Variants in KLRG1 observed in about 807,000 individuals in gnomAD.
KLRG1 encodes the protein killer cell lectin-like receptor subfamily G member 1.
In KLRG1, 16 loss-of-function variants were observed where a neutral mutation model predicts 21.8. The ratio of observed to expected loss-of-function variants is 0.73; its 90% CI spans 0.50 to 1.11. KLRG1 has a LOEUF of 1.11. Among genes scored for constraint, KLRG1 ranks in the 50% most tolerant of loss-of-function variants. KLRG1 has a pLI of 0.00. For synonymous variants in KLRG1, 69 were observed against 75.9 expected (o/e 0.91, Z 0.47); for missense variants, 173 against 218.3 (o/e 0.79, Z 1.31).
chr12:9,202,397 T>C, the KLRG1 span: 1 of 1,614,070 alleles, frequency 6.2e-7, no homozygotes, highest in Non-Finnish European at 8.5e-7. Flanking sequence ...TCCGATAAGA[T>C]TCAGACATGA....
the KLRG1 span, among the ~76,000 whole-genome samples, chr12:9,206,837 T>C: frequency 6.6e-6 from 1 of 152,154 alleles, no homozygotes; most frequent in African/African-American, 2.4e-5. Context: ...CAATGTAGTG[T>C]AGGAATGCAT....
chr12:9,022,805 A>G, the KLRG1 span, among the ~76,000 whole-genome samples: 6 of 152,164 alleles, frequency 3.9e-5, no homozygotes, highest in Non-Finnish European at 5.9e-5. Context: ...ATGATGGCCA[A>G]TGATGTAATC....
rs138850016 is a variant in KLRG1, at chr12:8,962,257, G to A, written c.-156+12021G>A. 2.0e-5 allele frequency among the ~76,000 whole-genome samples: 3 copies of A among 152,252 alleles called. No homozygotes were observed. The East Asian group carries it at 5.8e-4, about 29-fold the overall frequency. ...AGAATAGAGGAAAATTGAACATGGTGAAGAGAAAAATGGAAGATATTCAAA... is the reference window on the plus strand; with the variant it reads ...AGAATAGAGGAAAATTGAACATGGTAAAGAGAAAAATGGAAGATATTCAAA... On this transcript the variant is annotated intron_variant, in intron 1 of 4. Transcript: ENST00000539240.
chr12:9,077,490 T>C, the KLRG1 span: 3 of 1,504,518 alleles, frequency 2.0e-6, no homozygotes, highest in South Asian at 3.5e-5. Context: ...CTTTCTATTC[T>C]GCTGTGTCAT....
the KLRG1 span, chr12:9,182,154 G>GTGAGACAAAATGGTCATAAT: frequency 6.2e-7 from 1 of 1,603,140 alleles, no homozygotes; most frequent in Non-Finnish European, 8.5e-7. Context: ...ATGGTCATAA[G>GTGAGACAAAATGGTCATAAT]TGAGACAAAA....
intron 2 of KLRG1, among the ~76,000 whole-genome samples, chr12:8,993,488 C>G (rs1947038635): frequency 6.6e-6 from 1 of 152,014 alleles, no homozygotes; most frequent in Non-Finnish European, 1.5e-5. Context: ...CGGGGTTTCA[C>G]TATGTTGGCC....
At chr12:9,088,935 A>G in the KLRG1 span, among the ~76,000 whole-genome samples, 1 of 152,146 alleles carries the variant, frequency 6.6e-6, no homozygotes, top group South Asian at 2.1e-4. Flanking sequence ...CCCACTTTCT[A>G]CCTATGCCCA....
chr12:8,964,087 G>A (rs928911469), intron 1 of KLRG1, among the ~76,000 whole-genome samples: 1 of 152,108 alleles, frequency 6.6e-6, no homozygotes, highest in Non-Finnish European at 1.5e-5. Flanking sequence ...GCTTTTGAAT[G>A]TGTTTGCTCT....
chr12:9,184,464 C>CA, the KLRG1 span, among the ~76,000 whole-genome samples: 1 of 152,242 alleles, frequency 6.6e-6, no homozygotes, highest in Non-Finnish European at 1.5e-5. Flanking sequence ...GGGGATCCCC[C>CA]AATCCCCTGA....
At chr12:9,032,208 T>A in the KLRG1 span, among the ~76,000 whole-genome samples, 1 of 152,122 alleles carries the variant, frequency 6.6e-6, no homozygotes, top group Non-Finnish European at 1.5e-5. Context: ...GTGTTTTTGG[T>A]TGACTCAGAA....
the KLRG1 span, among the ~76,000 whole-genome samples, chr12:9,120,867 G>A: frequency 1.3e-5 from 2 of 150,886 alleles, no homozygotes; most frequent in African/African-American, 4.9e-5. Flanking sequence ...GTGTGTGTGT[G>A]TGTGTGTGTG....
chr12:9,203,620 C>T, the KLRG1 span: 4 of 860,740 alleles, frequency 4.6e-6, no homozygotes, highest in Non-Finnish European at 7.0e-6. Context: ...GGATTACAGG[C>T]GTGAGCCACC....
At chr12:9,071,828 T>A in the KLRG1 span, among the ~76,000 whole-genome samples, 1 of 152,218 alleles carries the variant, frequency 6.6e-6, no homozygotes, top group African/African-American at 2.4e-5. Flanking sequence ...CCTAACTTTT[T>A]TCCTGAATAG....
At chr12:9,018,705 A>AGAAG in the KLRG1 span, among the ~76,000 whole-genome samples, 33 of 151,016 alleles carry the variant, frequency 2.2e-4, no homozygotes, top group South Asian at 1.0e-3. Context: ...AAAGAAAGAA[A>AGAAG]GAAGGAAGGA....
chr12:9,035,381 A>G, the KLRG1 span, among the ~76,000 whole-genome samples: 2 of 152,024 alleles, frequency 1.3e-5, no homozygotes, highest in African/African-American at 4.8e-5. Context: ...CTCACTCATA[A>G]GTGGGAGTCG....
At chr12:9,160,654 C>T in the KLRG1 span, among the ~76,000 whole-genome samples, 1 of 152,010 alleles carries the variant, frequency 6.6e-6, no homozygotes, top group South Asian at 2.1e-4. Context: ...GCAGCTATCG[C>T]CTGTAATCCC....
chr12:9,193,567 G>A, the KLRG1 span, among the ~76,000 whole-genome samples: 1 of 152,096 alleles, frequency 6.6e-6, no homozygotes, highest in African/African-American at 2.4e-5. Context: ...GAGTTAACAC[G>A]TGAAACTGAG....
At chr12:8,993,784 C>G (rs997490556) in intron 2 of KLRG1, among the ~76,000 whole-genome samples, 2 of 152,056 alleles carry the variant, frequency 1.3e-5, no homozygotes, top group Admixed American at 6.6e-5. Context: ...TGGTTGTATG[C>G]CAGTACTTCC....
chr12:9,196,535 A>C, the KLRG1 span: 1 of 1,576,078 alleles, frequency 6.3e-7, no homozygotes. Context: ...AAAGTAAACT[A>C]TTGTTTTATT....
Sources: gnomAD v4.1 joint callset for allele counts (sites outside exome capture counted in the v4.1 genomes callset) on GRCh38, gnomAD v4.1.1 for gene constraint, MANE v1.5 for transcripts, NCBI Gene and HGNC (gene_info 2026-07-23, HGNC 2026-07-21) for gene names.